The following CCDC18 variants were observed in gnomAD, a reference collection of about 807,000 sequenced individuals.
CCDC18 encodes the protein coiled-coil domain containing 18.
In CCDC18, 157 loss-of-function variants were observed where a neutral mutation model predicts 196.0. The ratio of observed to expected loss-of-function variants is 0.80; its 90% CI spans 0.70 to 0.91. The LOEUF (loss-of-function observed/expected upper bound fraction) is 0.91. Among genes scored for constraint, CCDC18 ranks in the 40% least tolerant of loss-of-function variants. CCDC18 has a pLI of 0.00. For missense variants in CCDC18, 1,465 were observed against 1,611.6 expected (o/e 0.91, Z 1.56); for synonymous variants, 482 against 529.2 (o/e 0.91, Z 1.22).
At chr1:93,183,749 GA>G (rs1650147007) in intron 2 of CCDC18, among the ~76,000 whole-genome samples, 1 of 151,874 alleles carries the variant, frequency 6.6e-6, no homozygotes, top group Non-Finnish European at 1.5e-5. Context: ...AATTTTTTAT[GA>G]TTTTTTTGAA....
At chr1:93,216,505 A>G (rs1317579250) in intron 12 of CCDC18, 131 bp from the exon 13 acceptor site, 3 of 486,462 alleles carry the variant, frequency 6.2e-6, no homozygotes, top group African/African-American at 6.1e-5. Flanking sequence ...AAATGTTTAT[A>G]ACTGTAAGTT....
At chr1:93,252,581 T>C (rs970098317) in intron 23 of CCDC18, among the ~76,000 whole-genome samples, 7 of 152,256 alleles carry the variant, frequency 4.6e-5, no homozygotes, top group Admixed American at 2.0e-4. Context: ...TTCAGTTCTT[T>C]GAGAGATCAC....
chr1:93,265,908 A>G (rs1664440993), intron 27 of CCDC18, among the ~76,000 whole-genome samples: 1 of 152,312 alleles, frequency 6.6e-6, no homozygotes, highest in Non-Finnish European at 1.5e-5. Flanking sequence ...CAACAAGGAT[A>G]TCCAGGACTT....
intron 28 of CCDC18, among the ~76,000 whole-genome samples, chr1:93,272,728 C>T (rs916634829): frequency 7.2e-5 from 11 of 152,138 alleles, no homozygotes; most frequent in South Asian, 2.1e-4. Flanking sequence ...CAAGAATAGA[C>T]AACTCTTTGG....
At chr1:93,255,225 A>T (rs1176676529) in intron 24 of CCDC18, among the ~76,000 whole-genome samples, 1 of 152,102 alleles carries the variant, frequency 6.6e-6, no homozygotes, top group Non-Finnish European at 1.5e-5. Context: ...TGCTGGGATT[A>T]CAGGCGTGAG....
chr1:93,276,896 G>A (rs1020360606), intron 28 of CCDC18, among the ~76,000 whole-genome samples: 5 of 145,690 alleles, frequency 3.4e-5, no homozygotes, highest in South Asian at 2.2e-4. Flanking sequence ...AAGGGGACCC[G>A]GGGAACCAGG....
intron 1 of CCDC18, among the ~76,000 whole-genome samples, chr1:93,182,204 T>G (rs927974737): frequency 2.0e-5 from 3 of 152,202 alleles, no homozygotes; most frequent in South Asian, 4.1e-4. Context: ...AGTATCTCAT[T>G]TAATTTCCTG....
chr1:93,191,919 C>A (rs544607532), intron 4 of CCDC18, 81 bp from the exon 5 acceptor site: 4 of 893,228 alleles, frequency 4.5e-6, no homozygotes, highest in African/African-American at 1.7e-5. Flanking sequence ...TGAACACCCT[C>A]ATCTGACAGG....
At chr1:93,180,364 C>T, upstream of CCDC18, 2 of 1,308,732 alleles carry the variant, frequency 1.5e-6, no homozygotes, top group Non-Finnish European at 2.1e-6. Context: ...CTCCAGGTGG[C>T]GGCCGCGGCG....
At chr1:93,261,327 T>C (rs992618792) in intron 26 of CCDC18, among the ~76,000 whole-genome samples, 3 of 152,138 alleles carry the variant, frequency 2.0e-5, no homozygotes, top group African/African-American at 4.8e-5. Flanking sequence ...ATAGTATAAA[T>C]AGTATATACA....
intron 7 of CCDC18, among the ~76,000 whole-genome samples, chr1:93,203,896 C>G (rs773529132): frequency 3.3e-5 from 5 of 151,972 alleles, no homozygotes; most frequent in Non-Finnish European, 5.9e-5. Flanking sequence ...TTTTTATAAT[C>G]AGGGAGTCAT....
rs533972833 is a variant in CCDC18, at chr1:93,224,769, C to T, written c.2176-1564C>T. Among the ~76,000 whole-genome samples the T allele has an allele frequency of 9.2e-5, 14 of 152,342 alleles. No homozygotes were observed. The South Asian group carries it at 2.9e-3, about 32-fold the overall frequency. On this transcript the variant is annotated intron_variant, in intron 16 of 28. Coordinates refer to ENST00000690025, the MANE Select transcript of CCDC18 (RefSeq NM_001378204.1). ...ATGGCTTTCATATCTAATGATGAAT[C>T]TTGCCCAAATGAGTTATTACACTGT...
intron 12 of CCDC18, 140 bp from the exon 13 acceptor site, chr1:93,216,496 A>C (rs922675926): frequency 6.5e-6 from 3 of 461,136 alleles, no homozygotes; most frequent in Non-Finnish European, 1.2e-5. Context: ...TTGCATCCTA[A>C]ATGTTTATAA....
At chr1:93,233,325 T>G (rs1422751859) in intron 18 of CCDC18, among the ~76,000 whole-genome samples, 1 of 152,232 alleles carries the variant, frequency 6.6e-6, no homozygotes, top group Non-Finnish European at 1.5e-5. Context: ...CTAGAGAATT[T>G]TATACTAGAA....
At chr1:93,212,305 G>T in intron 11 of CCDC18, 44 bp downstream of exon 11, 3 of 1,263,660 alleles carry the variant, frequency 2.4e-6, no homozygotes, top group Non-Finnish European at 3.2e-6. Flanking sequence ...TCAGAGTTTT[G>T]GATGATAGTT....
intron 14 of CCDC18, among the ~76,000 whole-genome samples, chr1:93,220,062 A>T (rs1253215883): frequency 2.6e-5 from 4 of 152,164 alleles, no homozygotes; most frequent in African/African-American, 9.7e-5. Flanking sequence ...TTACAAATTT[A>T]AAAAAATCAA....
intron 23 of CCDC18, among the ~76,000 whole-genome samples, chr1:93,254,165 A>G (rs1662627777): frequency 6.6e-6 from 1 of 152,142 alleles, no homozygotes; most frequent in Non-Finnish European, 1.5e-5. Flanking sequence ...AATTTTTTAA[A>G]TTTCAATCGC....
At chr1:93,237,152 AG>A (rs1660172500) in intron 19 of CCDC18, among the ~76,000 whole-genome samples, 1 of 152,184 alleles carries the variant, frequency 6.6e-6, no homozygotes, top group African/African-American at 2.4e-5. Flanking sequence ...TTGTGCTCAG[AG>A]GAGCAACTTG....
upstream of CCDC18, chr1:93,180,293 C>A: frequency 1.3e-6 from 2 of 1,539,832 alleles, no homozygotes; most frequent in Middle Eastern, 2.3e-4. Context: ...CTGTTGTCTC[C>A]GCTCCGCGTT....
Sources: allele counts gnomAD v4.1 joint callset (sites outside exome capture counted in the v4.1 genomes callset), GRCh38; gene constraint gnomAD v4.1.1; transcripts MANE v1.5; gene names NCBI Gene and HGNC (gene_info 2026-07-23, HGNC 2026-07-21).